The following SETD3 variants were observed in gnomAD, a reference collection of about 807,000 sequenced individuals.
SETD3 encodes the protein SET domain containing 3, actin N3(tau)-histidine methyltransferase, also known as actin-histidine N-methyltransferase.
A neutral mutation model predicts 63.0 loss-of-function variants in SETD3; 19 were observed. The observed-to-expected ratio is 0.30, with a 90% CI of 0.21 to 0.44. The LOEUF (loss-of-function observed/expected upper bound fraction) is 0.44, where lower values mean the gene tolerates loss of function less well. Ranked by LOEUF, SETD3 falls within the 20% of genes least tolerant of loss-of-function variation. SETD3 has a pLI of 1.00. For synonymous variants in SETD3, 286 were observed against 264.1 expected (o/e 1.08, Z -0.80); for missense variants, 587 against 728.5 (o/e 0.81, Z 2.24).
At chr14:99,435,364 C>G (rs1439032584) in intron 6 of SETD3, among the ~76,000 whole-genome samples, 1 of 152,112 alleles carries the variant, frequency 6.6e-6, no homozygotes, top group Non-Finnish European at 1.5e-5. Flanking sequence ...TGATAAAATC[C>G]TTTGTTGTGA....
chr14:99,434,470 C>A (rs760885695), intron 6 of SETD3, among the ~76,000 whole-genome samples: 1 of 152,120 alleles, frequency 6.6e-6, no homozygotes, highest in Non-Finnish European at 1.5e-5. Flanking sequence ...ACGGGCGGGG[C>A]ACTGACGGGG....
At chr14:99,486,188 T>A in the SETD3 span, among the ~76,000 whole-genome samples, 8 of 152,228 alleles carry the variant, frequency 5.3e-5, no homozygotes, top group Non-Finnish European at 2.9e-5. Context: ...GACTACCATC[T>A]CTGGTTTAAA....
intron 6 of SETD3, among the ~76,000 whole-genome samples, chr14:99,432,946 T>C (rs1893264284): frequency 6.6e-6 from 1 of 152,238 alleles, no homozygotes. Flanking sequence ...AAGCACTATC[T>C]TTAAAAAATA....
At chr14:99,468,076 A>G (rs1295883926) in intron 1 of SETD3, among the ~76,000 whole-genome samples, 1 of 151,928 alleles carries the variant, frequency 6.6e-6, no homozygotes, top group Non-Finnish European at 1.5e-5. Flanking sequence ...TCTTTGTCCA[A>G]GGTCATGCAT....
intron 11 of SETD3, among the ~76,000 whole-genome samples, chr14:99,403,555 T>C (rs780684928): frequency 2.7e-5 from 4 of 148,070 alleles, no homozygotes; most frequent in Non-Finnish European, 4.5e-5. Context: ...GGATGAAAAA[T>C]AAAAACACAA....
At chr14:99,454,873 T>C (rs1894668858) in intron 6 of SETD3, among the ~76,000 whole-genome samples, 1 of 152,198 alleles carries the variant, frequency 6.6e-6, no homozygotes, top group Non-Finnish European at 1.5e-5. Context: ...TTTCCACAGT[T>C]TCCCAGAGGA....
At position 99,399,022 on chromosome 14, in the gene SETD3, C is replaced by G. The variant is rs1486910196; in HGVS notation, c.1442G>C (p.Ser481Thr). 1 of 1,614,216 alleles carries G rather than the reference C, an allele frequency of 6.2e-7. No homozygotes were observed. Among genetic ancestry groups the G allele is most frequent in the South Asian group, 1.1e-5 (1 of 91,084 alleles). Residue 481 changes from serine to threonine, a missense_variant, in exon 13 of 13, where the codon AGT becomes ACT. Coordinates refer to ENST00000331768, the MANE Select transcript of SETD3 (RefSeq NM_032233.3). ...ATAGTATTCCCGGTTGACAGCTGCACTCTTTACTGCTTTTTCCAAAATCTC... is the reference window on the plus strand; with the variant it reads ...ATAGTATTCCCGGTTGACAGCTGCAGTCTTTACTGCTTTTTCCAAAATCTC... ...EKEILEKAVK[S>T]AAVNREYYRQ...
intron 2 of SETD3, among the ~76,000 whole-genome samples, chr14:99,464,911 G>A (rs1895280864): frequency 6.6e-6 from 1 of 152,212 alleles, no homozygotes; most frequent in African/African-American, 2.4e-5. Context: ...GGTAGGCAGA[G>A]GTGGGAGGAT....
chr14:99,430,134 C>T (rs1893093622), intron 6 of SETD3, among the ~76,000 whole-genome samples: 2 of 152,194 alleles, frequency 1.3e-5, no homozygotes, highest in Admixed American at 6.5e-5. Flanking sequence ...GAGTTGAATC[C>T]AGGAACCAAG....
At chr14:99,408,249 T>C (rs1483499215) in intron 8 of SETD3, among the ~76,000 whole-genome samples, 1 of 152,222 alleles carries the variant, frequency 6.6e-6, no homozygotes, top group Non-Finnish European at 1.5e-5. Flanking sequence ...TTCATGCTTC[T>C]GATCTGCAAA....
At chr14:99,407,216 T>C (rs1199354545) in intron 8 of SETD3, among the ~76,000 whole-genome samples, 2 of 152,150 alleles carry the variant, frequency 1.3e-5, no homozygotes, top group Admixed American at 6.5e-5. Flanking sequence ...TCTAAGTCCA[T>C]TACAAATAAA....
At chr14:99,414,059 C>T (rs1892151564) in intron 6 of SETD3, 125 bp from the exon 7 acceptor site, 4 of 805,654 alleles carry the variant, frequency 5.0e-6, no homozygotes, top group East Asian at 2.6e-5. Context: ...AAGCAGGCGG[C>T]GTCCAGCCGC....
At chr14:99,465,968 T>G (rs1895349236) in intron 1 of SETD3, among the ~76,000 whole-genome samples, 155 bp from the exon 2 acceptor site, 1 of 152,166 alleles carries the variant, frequency 6.6e-6, no homozygotes, top group Non-Finnish European at 1.5e-5. Context: ...ATGTGTAGTA[T>G]TAGTATCTAG....
intron 6 of SETD3, among the ~76,000 whole-genome samples, chr14:99,424,129 T>C (rs1892748717): frequency 6.6e-6 from 1 of 152,222 alleles, no homozygotes; most frequent in South Asian, 2.1e-4. Context: ...CCACCTGGAA[T>C]AGAATGCAGG....
At chr14:99,410,265 G>A in intron 8 of SETD3, 1 of 1,612,728 alleles carries the variant, frequency 6.2e-7, no homozygotes, top group South Asian at 1.1e-5. Flanking sequence ...GTGCACGGAG[G>A]GTGTGGGGGG....
At chr14:99,412,876 A>C in intron 8 of SETD3, 75 bp downstream of exon 8, 3 of 1,049,040 alleles carry the variant, frequency 2.9e-6, no homozygotes, top group Non-Finnish European at 4.5e-6. Flanking sequence ...GGGTAGGTGG[A>C]ATAACAGCCC....
At chr14:99,463,814 G>C (rs928868343) in intron 2 of SETD3, among the ~76,000 whole-genome samples, 1 of 152,194 alleles carries the variant, frequency 6.6e-6, no homozygotes, top group African/African-American at 2.4e-5. Context: ...GTACCCAAGA[G>C]AGAGCACTGA....
upstream of SETD3, among the ~76,000 whole-genome samples, chr14:99,485,161 C>T (rs577314647): frequency 6.6e-6 from 1 of 152,322 alleles, no homozygotes; most frequent in African/African-American, 2.4e-5. Context: ...CACTACATTT[C>T]ATGAATTGTT....
At chr14:99,410,167 G>C (rs1290342306) in intron 8 of SETD3, 4 of 1,600,358 alleles carry the variant, frequency 2.5e-6, no homozygotes, top group South Asian at 1.1e-5. Context: ...CTAAGGAATG[G>C]AGGGTCTTAG....
Sources: allele counts gnomAD v4.1 joint callset (sites outside exome capture counted in the v4.1 genomes callset), GRCh38; gene constraint gnomAD v4.1.1; transcripts MANE v1.5; gene names NCBI Gene and HGNC (gene_info 2026-07-23, HGNC 2026-07-21).